ABCA12: variants seen among roughly 807,000 people sequenced by gnomAD.
The protein encoded by ABCA12 is ATP binding cassette subfamily A member 12.
A neutral mutation model predicts 293.5 loss-of-function variants in ABCA12; 156 were observed. The observed-to-expected ratio is 0.53, with a 90% CI of 0.47 to 0.61. The LOEUF is 0.61. Among genes scored for constraint, ABCA12 ranks in the 20% least tolerant of loss-of-function variants. The pLI, the probability that ABCA12 is intolerant of heterozygous loss-of-function variation, is 0.00. For synonymous variants in ABCA12, 1,063 were observed against 1,108.0 expected (o/e 0.96, Z 0.81); for missense variants, 2,797 against 3,090.2 (o/e 0.91, Z 2.25).
In ABCA12 at chr2:215,062,541, T is replaced by C. The variant is rs116558473; in HGVS notation, c.317+1525A>G. Among the ~76,000 whole-genome samples the C allele has an allele frequency of 8.6e-3, 1,313 of 152,178 alleles. 21 individuals are homozygous for C. Among genetic ancestry groups the C allele is most frequent in the African/African-American group, 0.03 (1,234 of 41,542 alleles). On this transcript the variant is annotated intron_variant, in intron 3 of 52. Coordinates refer to ENST00000272895, the MANE Select transcript of ABCA12 (RefSeq NM_173076.3). ...TTACCTTTTCTTTCATGATCAATTC[T>C]GCATGCTCTGGTCTCTGAGGTTCCT...
In ABCA12 at chr2:215,056,883, T is replaced by C. The variant is rs144076976; in HGVS notation, c.318-2219A>G. 8.3e-3 allele frequency among the ~76,000 whole-genome samples: 1,269 copies of C among 152,196 alleles called. 43 individuals are homozygous for C. Among genetic ancestry groups the C allele is most frequent in the Admixed American group, 0.063 (967 of 15,262 alleles). Reference sequence around the variant, plus strand: ...AGTTTCTAATGAGCAGGATCATGTTTATAGACAAAGCACTACATGCTTCTT... The same window carrying C: ...AGTTTCTAATGAGCAGGATCATGTTCATAGACAAAGCACTACATGCTTCTT... On this transcript the variant is annotated intron_variant, in intron 3 of 52. Transcript: ENST00000272895.
intron 27 of ABCA12, among the ~76,000 whole-genome samples, chr2:214,987,221 C>T (rs1574964210): frequency 6.6e-6 from 1 of 152,138 alleles, no homozygotes; most frequent in Non-Finnish European, 1.5e-5. Flanking sequence ...TATAATGACA[C>T]GACTCACCTA....
chr2:215,063,199 G>A (rs1559173619), intron 3 of ABCA12, among the ~76,000 whole-genome samples: 2 of 151,900 alleles, frequency 1.3e-5, no homozygotes, highest in Non-Finnish European at 2.9e-5. Flanking sequence ...CACTCTTAAA[G>A]TATCACCTAG....
At chr2:214,958,641 A>G (rs1027423090) in intron 40 of ABCA12, among the ~76,000 whole-genome samples, 187 bp from the exon 41 acceptor site, 3 of 152,196 alleles carry the variant, frequency 2.0e-5, no homozygotes, top group Non-Finnish European at 4.4e-5. Context: ...GAATAAATGT[A>G]GTTCTAGTGC....
At chr2:215,053,387 C>T (rs1156246333) in intron 4 of ABCA12, among the ~76,000 whole-genome samples, 2 of 152,056 alleles carry the variant, frequency 1.3e-5, no homozygotes, top group Non-Finnish European at 2.9e-5. Context: ...TTTTTGTGCC[C>T]ACAGGGCTGA....
At chr2:215,084,865 G>C (rs895399398) in intron 2 of ABCA12, among the ~76,000 whole-genome samples, 1 of 151,876 alleles carries the variant, frequency 6.6e-6, no homozygotes, top group Admixed American at 6.6e-5. Flanking sequence ...AGGCCGAGTC[G>C]GGCAGGTCAC....
At chr2:214,948,960 T>TA in intron 46 of ABCA12, 80 bp downstream of exon 46, 1 of 1,342,062 alleles carries the variant, frequency 7.5e-7, no homozygotes, top group South Asian at 1.2e-5. Flanking sequence ...AACCACAAAA[T>TA]AACATTAAAT....
At chr2:214,989,064 A>T (rs1699850463) in intron 26 of ABCA12, among the ~76,000 whole-genome samples, 1 of 149,660 alleles carries the variant, frequency 6.7e-6, no homozygotes, top group African/African-American at 2.4e-5. Flanking sequence ...CTATAATCCC[A>T]GCTACTTGGG....
intron 2 of ABCA12, among the ~76,000 whole-genome samples, chr2:215,089,711 A>T (rs1316172287): frequency 6.6e-6 from 1 of 152,230 alleles, no homozygotes; most frequent in East Asian, 1.9e-4. Context: ...TTCAGTACCT[A>T]AGTATAGCAA....
In ABCA12 at chr2:214,966,804, A is replaced by G. The variant is rs559383982; in HGVS notation, c.5884+44T>C. The G allele has an allele frequency of 5.8e-6, 9 of 1,560,964 alleles. No homozygotes were observed. In the South Asian group the frequency reaches 1.0e-4, roughly 17 times the overall value. On this transcript the variant is annotated intron_variant, in intron 39 of 52. Coordinates refer to ENST00000272895, the MANE Select transcript of ABCA12 (RefSeq NM_173076.3). ...TAAAGTGCATTTTTATACAAAGAGT[A>G]ACAGAAGTTGCAATACAGGACACTT...
At chr2:215,027,074 G>A (rs1266920428) in intron 9 of ABCA12, 136 bp from the exon 10 acceptor site, 2 of 655,058 alleles carry the variant, frequency 3.1e-6, no homozygotes, top group East Asian at 3.0e-5. Flanking sequence ...GCCGGGCGCG[G>A]TGGCTCACGC....
At position 215,103,263 on chromosome 2, in the gene ABCA12, C is replaced by CTTTTT. The variant is rs1158377505; in HGVS notation, c.163+8333_163+8334insAAAAA. On this transcript the variant is annotated intron_variant, in intron 2 of 52. Coordinates refer to ENST00000272895, the MANE Select transcript of ABCA12 (RefSeq NM_173076.3). The stretch of plus-strand genomic sequence containing the variant: ...ACTTTAACAATGTCTCTTAAAATTT[C>CTTTTT]TTTCTTTTTTTTTTTTTTTTTTTGA... Among the ~76,000 whole-genome samples the CTTTTT allele has an allele frequency of 1.7e-4, 14 of 81,376 alleles. 2 individuals carry two copies. The highest frequency in any genetic ancestry group is 4.8e-4 in the African/African-American group (13 of 26,896). The allele number at this position is 81,376 out of a possible 152,430, so 53.4% of individuals were successfully genotyped here.
chr2:214,941,990 C>G (rs1395445242), intron 50 of ABCA12, among the ~76,000 whole-genome samples: 4 of 152,060 alleles, frequency 2.6e-5, no homozygotes, highest in African/African-American at 7.2e-5. Flanking sequence ...TGAATTTGAT[C>G]CTGTCATTAT....
chr2:215,006,647 T>A (rs1055679635), intron 19 of ABCA12, among the ~76,000 whole-genome samples: 1 of 152,090 alleles, frequency 6.6e-6, no homozygotes, highest in Non-Finnish European at 1.5e-5. Context: ...AAAAGGGCAT[T>A]ATTTTCCCAA....
intron 30 of ABCA12, among the ~76,000 whole-genome samples, chr2:214,981,275 A>T (rs1259867564): frequency 6.6e-6 from 1 of 152,056 alleles, no homozygotes; most frequent in Non-Finnish European, 1.5e-5. Context: ...TTTTGCTCCC[A>T]TGGGTTCATT....
At chr2:215,131,699 A>ATCGTTT (rs1170990427) in intron 1 of ABCA12, among the ~76,000 whole-genome samples, 2 of 38,626 alleles carry the variant, frequency 5.2e-5, no homozygotes, top group African/African-American at 2.0e-4. Context: ...GATCCTTTCT[A>ATCGTTT]TTGTTTTTTT....
rs189603530 is a variant in ABCA12 at position 214,991,923 on chromosome 2, C to T, written c.3295-892G>A. 3.3e-5 allele frequency among the ~76,000 whole-genome samples: 5 copies of T among 152,214 alleles called. No individual in the cohort carries two copies. The East Asian group carries it at 9.7e-4, about 29-fold the overall frequency. ...GGGAGGTATAGCATTAGGAGAAATA[C>T]CTAATGTAGATGACAGGTTGATGAG... On this transcript the variant is annotated intron_variant, in intron 23 of 52. Transcript: ENST00000272895.
chr2:215,052,533 G>A lies in ABCA12; in HGVS notation c.461C>T (p.Thr154Ile). Reference sequence around the variant, plus strand: ...TGCGAGCACTTGACTGCCATTGAAAGTATATGTTCCGGGGATTTCCAAATC... The same window carrying A: ...TGCGAGCACTTGACTGCCATTGAAAATATATGTTCCGGGGATTTCCAAATC... ...SSDLEIPGTY[T>I]FNGSQVLARI... Residue 154 changes from threonine (T) to isoleucine (I), a missense_variant, in exon 5 of 53, where the codon ACT becomes ATT. Thr to Ile is a moderately conservative substitution (Grantham distance 89). Around this residue, in one of 3 missense-constraint regions of ABCA12, gnomAD observed 656 missense variants for 638.2 expected, o/e 1.03. Coordinates refer to ENST00000272895, the MANE Select transcript of ABCA12 (RefSeq NM_173076.3). 2 of 1,612,726 alleles carry A rather than the reference G, an allele frequency of 1.2e-6. No homozygotes were observed. The highest frequency in any genetic ancestry group is 1.3e-5 in the African/African-American group (1 of 74,952).
In ABCA12 at chr2:215,018,189, T is replaced by C. The variant is rs1700548704; in HGVS notation, c.1658-57A>G. 4 of 1,578,028 alleles carry C rather than the reference T, an allele frequency of 2.5e-6. No homozygotes were observed. In the Admixed American group the frequency reaches 7.1e-5, roughly 28 times the overall value. On this transcript the variant is annotated intron_variant, in intron 13 of 52. Coordinates refer to ENST00000272895, the MANE Select transcript of ABCA12 (RefSeq NM_173076.3). The stretch of plus-strand genomic sequence containing the variant: ...ATGTTGGTTTGTCAGGTCACTCTTT[T>C]TAGTATGACTAACATAGAGAAACCT...
Sources: allele counts gnomAD v4.1 joint callset (sites outside exome capture counted in the v4.1 genomes callset), GRCh38; gene constraint gnomAD v4.1.1; regional missense constraint gnomAD v4.1.1; transcripts MANE v1.5; gene names NCBI Gene and HGNC (gene_info 2026-07-23, HGNC 2026-07-21).